The following TENM2 variants were observed in gnomAD, a reference collection of about 807,000 sequenced individuals.
The protein encoded by TENM2 is teneurin-2.
Under a neutral mutation model 245.2 loss-of-function variants are expected in TENM2, and 52 were observed. That is an observed-to-expected ratio of 0.21 (90% confidence interval 0.17 to 0.27). The LOEUF (loss-of-function observed/expected upper bound fraction) is 0.27. TENM2 is among the 10% of genes least tolerant of loss of function. TENM2 has a pLI of 1.00. For synonymous variants in TENM2, 1,363 were observed against 1,438.9 expected, an observed-to-expected ratio of 0.95 and a Z score of 1.19; for missense variants, 3,046 against 3,666.8, an observed-to-expected ratio of 0.83 and a Z score of 4.37.
intron 12 of TENM2, among the ~76,000 whole-genome samples, chr5:168,146,187 A>G (rs992567455): frequency 2.0e-5 from 3 of 151,936 alleles, no homozygotes; most frequent in Non-Finnish European, 2.9e-5. Context: ...TCTCCTGCCT[A>G]ATTGCCCTGG....
At chr5:168,124,434 T>C (rs1026149937) in intron 10 of TENM2, among the ~76,000 whole-genome samples, 1 of 152,228 alleles carries the variant, frequency 6.6e-6, no homozygotes, top group African/African-American at 2.4e-5. Flanking sequence ...TCTCTTATAG[T>C]GAGGGGCAAT....
chr5:167,961,394 C>T (rs1474606676), intron 4 of TENM2, among the ~76,000 whole-genome samples: 2 of 152,146 alleles, frequency 1.3e-5, no homozygotes, highest in Non-Finnish European at 2.9e-5. Context: ...TCTTTTTCCT[C>T]TCCACACTTA....
chr5:167,696,458 T>C (rs967491700), intron 2 of TENM2, among the ~76,000 whole-genome samples: 5 of 152,198 alleles, frequency 3.3e-5, no homozygotes, highest in Non-Finnish European at 5.9e-5. Context: ...GTGGATTTCA[T>C]GTAGTTCTCT....
intron 2 of TENM2, among the ~76,000 whole-genome samples, chr5:167,596,121 G>C (rs1421825136): frequency 6.6e-6 from 1 of 152,186 alleles, no homozygotes; most frequent in African/African-American, 2.4e-5. Context: ...TTCTATGTTA[G>C]ATGGTTCAAC....
chr5:167,541,140 C>A (rs894284298), intron 2 of TENM2, among the ~76,000 whole-genome samples: 1 of 152,088 alleles, frequency 6.6e-6, no homozygotes, highest in Non-Finnish European at 1.5e-5. Flanking sequence ...CCATCTTGTC[C>A]CCAAATGCCC....
At chr5:167,440,859 CTG>C (rs1764840070) in intron 2 of TENM2, among the ~76,000 whole-genome samples, 1 of 92,826 alleles carries the variant, frequency 1.1e-5, no homozygotes, top group Non-Finnish European at 2.2e-5. Flanking sequence ...AGTCAACAGT[CTG>C]TGGCAGATTA....
intron 3 of TENM2, 159 bp from the exon 6 acceptor site, chr5:167,952,429 T>C: frequency 1.6e-6 from 1 of 622,052 alleles, no homozygotes; most frequent in Admixed American, 2.9e-5. Flanking sequence ...TGTAACTGAC[T>C]CTGGGATGCC....
chr5:167,527,979 A>G (rs150313293), intron 2 of TENM2, among the ~76,000 whole-genome samples: 21 of 152,284 alleles, frequency 1.4e-4, no homozygotes, highest in Admixed American at 3.3e-4. Context: ...GAGGGGAATA[A>G]AAAAGTTTGA....
At chr5:167,929,113 G>GAAAGA (rs1778065835) in intron 3 of TENM2, among the ~76,000 whole-genome samples, 1 of 71,944 alleles carries the variant, frequency 1.4e-5, no homozygotes, top group Non-Finnish European at 2.7e-5. Flanking sequence ...AAGAAAGAAA[G>GAAAGA]AAAGAAAGAA....
chr5:166,990,143 C>T, the TENM2 span, among the ~76,000 whole-genome samples: 1 of 152,086 alleles, frequency 6.6e-6, no homozygotes. Flanking sequence ...AAAAATAAAA[C>T]TGCATTTCTT....
At chr5:168,079,385 A>G (rs1299385074) in intron 7 of TENM2, among the ~76,000 whole-genome samples, 2 of 152,230 alleles carry the variant, frequency 1.3e-5, no homozygotes, top group African/African-American at 4.8e-5. Flanking sequence ...AACAGGGACA[A>G]TTTGACTTCC....
At chr5:167,391,021 G>A (rs931744606) in intron 2 of TENM2, among the ~76,000 whole-genome samples, 9 of 152,026 alleles carry the variant, frequency 5.9e-5, no homozygotes, top group Non-Finnish European at 8.8e-5. Flanking sequence ...CCTCTGTGTC[G>A]TTGTTCACCC....
At chr5:167,052,302 C>T in the TENM2 span, among the ~76,000 whole-genome samples, 2 of 152,138 alleles carry the variant, frequency 1.3e-5, no homozygotes, top group South Asian at 2.1e-4. Flanking sequence ...TGAACTTTTA[C>T]TATTAATAAT....
At position 167,693,065 on chromosome 5, in the gene TENM2, C is replaced by T. The variant is rs374864202; in HGVS notation, c.503-182921C>T. On this transcript the variant is annotated intron_variant, in intron 2 of 28. Transcript: ENST00000518659. ...TTTTACATAGCCTTTGCGAGAGCCT[C>T]GTATGTTTCATCTGTAATTAGGAAT... Among the ~76,000 whole-genome samples, 7 of 152,306 alleles carry T rather than the reference C, an allele frequency of 4.6e-5. No individual in the cohort carries two copies. The East Asian group carries it at 5.8e-4, about 13-fold the overall frequency.
chr5:167,449,521 TAGATA>T (rs144784827), intron 2 of TENM2, among the ~76,000 whole-genome samples: 4,544 of 74,032 alleles, frequency 0.061, 107 homozygotes, highest in African/African-American at 0.12. Context: ...GATAGATAGA[TAGATA>T]GATAGATAGA....
intron 13 of TENM2, among the ~76,000 whole-genome samples, chr5:168,179,501 T>C (rs1759664746): frequency 6.6e-6 from 1 of 152,156 alleles, no homozygotes; most frequent in South Asian, 2.1e-4. Flanking sequence ...AAAACATAAA[T>C]CACCCTGTAC....
chr5:167,325,724 A>G (rs1161807465), intron 1 of TENM2, among the ~76,000 whole-genome samples: 1 of 152,200 alleles, frequency 6.6e-6, no homozygotes, highest in East Asian at 1.9e-4. Context: ...GTACATATTA[A>G]TGCATTCATT....
At chr5:167,804,823 G>A (rs1044581336) in intron 2 of TENM2, among the ~76,000 whole-genome samples, 2 of 152,032 alleles carry the variant, frequency 1.3e-5, no homozygotes, top group Non-Finnish European at 2.9e-5. Context: ...GAAAATACAT[G>A]GCCCTAGGAG....
At chr5:167,238,269 A>G in the TENM2 span, among the ~76,000 whole-genome samples, 2 of 151,240 alleles carry the variant, frequency 1.3e-5, no homozygotes, top group South Asian at 4.2e-4. Context: ...TTAGGCTATA[A>G]TGTGATTGAC....
Sources: gnomAD v4.1 joint callset for allele counts (sites outside exome capture counted in the v4.1 genomes callset) on GRCh38, gnomAD v4.1.1 for gene constraint, MANE v1.5 for transcripts, NCBI Gene and HGNC (gene_info 2026-07-23, HGNC 2026-07-21) for gene names.